ZMAT4: variants seen among roughly 807,000 people sequenced by gnomAD.
ZMAT4 encodes the protein zinc finger matrin-type protein 4.
A neutral mutation model predicts 28.7 loss-of-function variants in ZMAT4; 17 were observed. The ratio of observed to expected loss-of-function variants is 0.59; its 90% CI spans 0.41 to 0.89. The LOEUF is 0.89. Among genes scored for constraint, ZMAT4 ranks in the 40% least tolerant of loss-of-function variants. ZMAT4 has a pLI of 0.00. For missense variants in ZMAT4, 240 were observed against 283.8 expected, an observed-to-expected ratio of 0.85 and a Z score of 1.11; for synonymous variants, 117 against 109.2, an observed-to-expected ratio of 1.07 and a Z score of -0.44.
chr8:40,741,646 A>G (rs1210825061), intron 3 of ZMAT4, among the ~76,000 whole-genome samples: 1 of 152,198 alleles, frequency 6.6e-6, no homozygotes, highest in Non-Finnish European at 1.5e-5. Context: ...TGCTGGGAAT[A>G]TCAATGACTC....
chr8:40,806,760 C>T (rs977350712), intron 2 of ZMAT4, among the ~76,000 whole-genome samples: 7 of 151,906 alleles, frequency 4.6e-5, no homozygotes, highest in East Asian at 1.9e-4. Flanking sequence ...AATTCCCTAC[C>T]GAAAATGAGT....
intron 1 of ZMAT4, among the ~76,000 whole-genome samples, chr8:40,827,743 G>A (rs893696503): frequency 1.2e-4 from 19 of 152,230 alleles, no homozygotes; most frequent in African/African-American, 3.4e-4. Flanking sequence ...CCTGGCAGGT[G>A]GCCCAATTGG....
intron 3 of ZMAT4, among the ~76,000 whole-genome samples, chr8:40,747,001 G>A (rs1812265487): frequency 6.6e-6 from 1 of 152,084 alleles, no homozygotes; most frequent in Non-Finnish European, 1.5e-5. Context: ...GCTCTCCCAG[G>A]GACCGTGACC....
chr8:40,833,549 A>AC (rs1816367123), intron 1 of ZMAT4, among the ~76,000 whole-genome samples: 1 of 151,174 alleles, frequency 6.6e-6, no homozygotes, highest in African/African-American at 2.4e-5. Context: ...GCAAAAAAAA[A>AC]AAAAAAAAAG....
intron 6 of ZMAT4, among the ~76,000 whole-genome samples, chr8:40,574,326 A>G (rs1804192701): frequency 6.6e-6 from 1 of 152,160 alleles, no homozygotes; most frequent in Non-Finnish European, 1.5e-5. Flanking sequence ...AAAGGGCCAA[A>G]TGAATGGAAA....
At chr8:40,814,443 C>G (rs1815452590) in intron 2 of ZMAT4, among the ~76,000 whole-genome samples, 1 of 152,144 alleles carries the variant, frequency 6.6e-6, no homozygotes, top group Non-Finnish European at 1.5e-5. Context: ...AGTCAATAAC[C>G]AATCATTACA....
intron 5 of ZMAT4, among the ~76,000 whole-genome samples, chr8:40,616,938 G>A (rs556339724): frequency 3.3e-5 from 5 of 151,276 alleles, no homozygotes; most frequent in Non-Finnish European, 7.4e-5. Context: ...TACAAAACTT[G>A]GTTTTAGGTT....
intron 1 of ZMAT4, among the ~76,000 whole-genome samples, chr8:40,870,395 T>C (rs1347701755): frequency 6.6e-6 from 1 of 152,162 alleles, no homozygotes; most frequent in Non-Finnish European, 1.5e-5. Flanking sequence ...ATTAAAATGT[T>C]TTTTCTCCTG....
intron 6 of ZMAT4, among the ~76,000 whole-genome samples, chr8:40,570,778 T>A (rs1455754478): frequency 6.6e-6 from 1 of 151,846 alleles, no homozygotes; most frequent in Non-Finnish European, 1.5e-5. Context: ...TTAAAGCCAC[T>A]CAGGATCTCA....
rs548208793 is a variant in ZMAT4 at position 40,847,555 on chromosome 8, G to A, written c.-4-21875C>T. On this transcript the variant is annotated intron_variant, in intron 1 of 6. Coordinates refer to ENST00000297737, the MANE Select transcript of ZMAT4 (RefSeq NM_024645.3). Reference sequence around the variant, plus strand: ...GGGAGGACGTGGGAAGGCAATGGGCGTTCCTGGGAAATTTCCGCTTCTTCC... The same window carrying A: ...GGGAGGACGTGGGAAGGCAATGGGCATTCCTGGGAAATTTCCGCTTCTTCC... Among the ~76,000 whole-genome samples the A allele has an allele frequency of 2.2e-4, 33 of 152,286 alleles. No homozygotes were observed. In the South Asian group the frequency reaches 6.0e-3, roughly 28 times the overall value.
chr8:40,819,017 AC>A (rs1815647575), intron 2 of ZMAT4, among the ~76,000 whole-genome samples: 1 of 152,174 alleles, frequency 6.6e-6, no homozygotes, highest in African/African-American at 2.4e-5. Context: ...CTGATCTCCA[AC>A]CTGACTTACA....
intron 2 of ZMAT4, among the ~76,000 whole-genome samples, chr8:40,817,671 C>G (rs1190241399): frequency 6.6e-6 from 1 of 152,154 alleles, no homozygotes; most frequent in Non-Finnish European, 1.5e-5. Flanking sequence ...TCATAGGTCA[C>G]TGGACCAAGG....
chr8:40,630,371 C>G (rs536952926), intron 5 of ZMAT4, among the ~76,000 whole-genome samples: 20 of 152,314 alleles, frequency 1.3e-4, no homozygotes, highest in African/African-American at 4.8e-4. Context: ...ATTATCTTCT[C>G]TAGACCTCAT....
chr8:40,597,204 T>C (rs966810584), intron 5 of ZMAT4, among the ~76,000 whole-genome samples: 4 of 152,218 alleles, frequency 2.6e-5, no homozygotes, highest in African/African-American at 7.2e-5. Flanking sequence ...GAGAATTTAG[T>C]GCATGTATAC....
At chr8:40,759,656 C>T (rs1812846893) in intron 3 of ZMAT4, among the ~76,000 whole-genome samples, 1 of 152,208 alleles carries the variant, frequency 6.6e-6, no homozygotes, top group South Asian at 2.1e-4. Context: ...TTTGTTATAG[C>T]AGCACAGGCC....
At chr8:40,854,759 A>G (rs1817235164) in intron 1 of ZMAT4, among the ~76,000 whole-genome samples, 1 of 152,138 alleles carries the variant, frequency 6.6e-6, no homozygotes, top group Non-Finnish European at 1.5e-5. Context: ...GGCAGTTAAA[A>G]CAGTACGGAA....
chr8:40,581,099 G>A (rs1804449090), intron 6 of ZMAT4, 66 bp downstream of exon 6: 2 of 1,281,702 alleles, frequency 1.6e-6, no homozygotes, highest in East Asian at 2.3e-5. Context: ...GAAATGTTGA[G>A]CCTTTAGTCA....
intron 4 of ZMAT4, among the ~76,000 whole-genome samples, chr8:40,687,455 A>G (rs997243124): frequency 4.6e-5 from 7 of 152,200 alleles, no homozygotes; most frequent in East Asian, 3.9e-4. Context: ...ATACCAGCCA[A>G]TGAGAAAGAG....
chr8:40,635,461 G>T (rs768874869), intron 5 of ZMAT4, among the ~76,000 whole-genome samples: 2 of 151,970 alleles, frequency 1.3e-5, no homozygotes, highest in Admixed American at 6.6e-5. Context: ...AGAGCACCCC[G>T]ACCCCACCAT....
Sources: allele counts gnomAD v4.1 joint callset (sites outside exome capture counted in the v4.1 genomes callset), GRCh38; gene constraint gnomAD v4.1.1; transcripts MANE v1.5; gene names NCBI Gene and HGNC (gene_info 2026-07-23, HGNC 2026-07-21).